Variants in RABGAP1L observed in about 807,000 individuals in gnomAD.
RABGAP1L encodes RAB GTPase activating protein 1 like, also known as rab GTPase-activating protein 1-like.
Under a neutral mutation model 137.7 loss-of-function variants are expected in RABGAP1L, and 63 were observed. The ratio of observed to expected loss-of-function variants is 0.46; its 90% CI spans 0.37 to 0.56. The LOEUF (loss-of-function observed/expected upper bound fraction) is 0.56, where lower values mean the gene tolerates loss of function less well. Ranked by LOEUF, RABGAP1L falls within the 20% of genes least tolerant of loss-of-function variation. The pLI is 0.00. For missense variants in RABGAP1L, 1,095 were observed against 1,244.0 expected, an observed-to-expected ratio of 0.88 and a Z score of 1.80; for synonymous variants, 431 against 433.7, an observed-to-expected ratio of 0.99 and a Z score of 0.08.
At chr1:174,540,333 A>G (rs1665272640) in intron 13 of RABGAP1L, among the ~76,000 whole-genome samples, 1 of 152,048 alleles carries the variant, frequency 6.6e-6, no homozygotes, top group Non-Finnish European at 1.5e-5. Flanking sequence ...TTTTGTTGCC[A>G]TTGTTTTTGG....
In RABGAP1L at chr1:174,676,695, T is replaced by C. The variant is rs547249391; in HGVS notation, c.1825-6827T>C. Among the ~76,000 whole-genome samples, 12 of 152,350 alleles carry C rather than the reference T, an allele frequency of 7.9e-5. No individual in the cohort carries two copies. The South Asian group carries it at 2.3e-3, about 29-fold the overall frequency. On this transcript the variant is annotated intron_variant, in intron 14 of 25. Coordinates refer to ENST00000681986, the MANE Select transcript of RABGAP1L (RefSeq NM_001366446.1). The stretch of plus-strand genomic sequence containing the variant: ...TCTACTGAAGTGATAGCATGGTCAG[T>C]AGTATTCCAACATCTTTGGATACTG...
chr1:174,767,588 A>G (rs1573096154), intron 18 of RABGAP1L, among the ~76,000 whole-genome samples: 3 of 151,736 alleles, frequency 2.0e-5, no homozygotes, highest in East Asian at 1.9e-4. Context: ...CAGTGGCGCA[A>G]TCTCGGCTCA....
intron 13 of RABGAP1L, among the ~76,000 whole-genome samples, chr1:174,555,430 T>C (rs1219394621): frequency 6.6e-6 from 1 of 152,218 alleles, no homozygotes; most frequent in African/African-American, 2.4e-5. Context: ...CAAAAATTTA[T>C]TGATCACCTG....
intron 19 of RABGAP1L, among the ~76,000 whole-genome samples, chr1:174,937,736 A>G (rs142499207): frequency 3.5e-3 from 1 of 284 alleles, no homozygotes; most frequent in Admixed American, 0.029. Context: ...TTGCTTTATC[A>G]CCCAGGCTGG....
intron 13 of RABGAP1L, among the ~76,000 whole-genome samples, chr1:174,550,040 T>G (rs1023809085): frequency 1.3e-5 from 2 of 152,204 alleles, no homozygotes; most frequent in Admixed American, 1.3e-4. Flanking sequence ...AAACCCCATC[T>G]CTAACAATAA....
chr1:174,712,942 T>C (rs949418331), intron 17 of RABGAP1L, among the ~76,000 whole-genome samples: 7 of 152,094 alleles, frequency 4.6e-5, no homozygotes, highest in Non-Finnish European at 8.8e-5. Context: ...GGGGATTTTA[T>C]AGACACAAGA....
chr1:174,636,659 T>A (rs1674068937), intron 13 of RABGAP1L, among the ~76,000 whole-genome samples: 3 of 152,076 alleles, frequency 2.0e-5, no homozygotes, highest in Non-Finnish European at 4.4e-5. Context: ...ATGGTCTGAG[T>A]TTTTATCAGA....
At chr1:174,378,594 G>T (rs1344623237) in intron 12 of RABGAP1L, among the ~76,000 whole-genome samples, 1 of 152,110 alleles carries the variant, frequency 6.6e-6, no homozygotes, top group African/African-American at 2.4e-5. Context: ...CTCTTGAGAA[G>T]TGTCTGTTCA....
intron 19 of RABGAP1L, among the ~76,000 whole-genome samples, chr1:174,822,139 T>A (rs1477585963): frequency 6.6e-6 from 1 of 152,184 alleles, no homozygotes; most frequent in African/African-American, 2.4e-5. Flanking sequence ...CGCACGCCTG[T>A]AGTCCCAGCT....
chr1:174,984,817 C>T (rs1234266507), intron 24 of RABGAP1L, among the ~76,000 whole-genome samples: 4 of 152,128 alleles, frequency 2.6e-5, no homozygotes, highest in Non-Finnish European at 5.9e-5. Flanking sequence ...AAAACAAAAT[C>T]ATGAGAACTA....
At chr1:174,621,513 C>T (rs1021485851) in intron 13 of RABGAP1L, among the ~76,000 whole-genome samples, 3 of 152,134 alleles carry the variant, frequency 2.0e-5, no homozygotes, top group African/African-American at 7.2e-5. Context: ...GAGATATAGA[C>T]CAATGGAACA....
chr1:174,900,783 G>C (rs1223376605), intron 19 of RABGAP1L, among the ~76,000 whole-genome samples: 2 of 152,102 alleles, frequency 1.3e-5, no homozygotes, highest in African/African-American at 2.4e-5. Flanking sequence ...GCCTCCCAAA[G>C]TGCTGGGGTT....
At chr1:174,701,603 C>A (rs1679654337) in intron 16 of RABGAP1L, among the ~76,000 whole-genome samples, 1 of 151,814 alleles carries the variant, frequency 6.6e-6, no homozygotes, top group African/African-American at 2.4e-5. Flanking sequence ...AATAATCGGG[C>A]CTGGTGGAGG....
At chr1:174,241,807 T>C in intron 5 of RABGAP1L, 150 bp downstream of exon 5, 1 of 740,020 alleles carries the variant, frequency 1.4e-6, no homozygotes, top group South Asian at 2.2e-5. Context: ...TAGAACTGAA[T>C]GTGGAAAGCC....
chr1:174,548,204 A>G (rs182908093), intron 13 of RABGAP1L: 1 of 1,430,344 alleles, frequency 7.0e-7, no homozygotes, highest in East Asian at 2.5e-5. Flanking sequence ...GGTGAAGGTA[A>G]TTAAGAGAAA....
intron 13 of RABGAP1L, among the ~76,000 whole-genome samples, chr1:174,603,202 C>A (rs913080208): frequency 1.3e-5 from 2 of 152,162 alleles, no homozygotes; most frequent in South Asian, 2.1e-4. Context: ...ATGACTCTTG[C>A]AGACTTGTCA....
intron 17 of RABGAP1L, among the ~76,000 whole-genome samples, chr1:174,711,405 G>A (rs1002112373): frequency 2.0e-5 from 3 of 152,092 alleles, no homozygotes; most frequent in East Asian, 2.0e-4. Context: ...AGGGAGAGGC[G>A]TGGGTGGGAA....
chr1:174,466,581 G>A (rs1471757715), intron 13 of RABGAP1L, among the ~76,000 whole-genome samples: 4 of 152,220 alleles, frequency 2.6e-5, no homozygotes, highest in African/African-American at 9.6e-5. Flanking sequence ...GAGGTCAGGA[G>A]TTTGAGACCA....
chr1:174,290,018 C>T (rs1004588990), intron 10 of RABGAP1L, among the ~76,000 whole-genome samples: 6 of 152,174 alleles, frequency 3.9e-5, no homozygotes, highest in African/African-American at 1.4e-4. Flanking sequence ...GGTGGGATTG[C>T]AGGTTATACT....
Sources: gnomAD v4.1 joint callset for allele counts (sites outside exome capture counted in the v4.1 genomes callset) on GRCh38, gnomAD v4.1.1 for gene constraint, MANE v1.5 for transcripts, NCBI Gene and HGNC (gene_info 2026-07-23, HGNC 2026-07-21) for gene names.